The following ZMIZ1 variants were observed in gnomAD, a reference collection of about 807,000 sequenced individuals.
ZMIZ1 encodes the protein zinc finger MIZ domain-containing protein 1.
A neutral mutation model predicts 113.9 loss-of-function variants in ZMIZ1; 17 were observed. The observed-to-expected ratio is 0.15, with a 90% CI of 0.10 to 0.22. The LOEUF is 0.22. ZMIZ1 is among the 10% of genes least tolerant of loss of function. The pLI is 1.00. For synonymous variants in ZMIZ1, 607 were observed against 603.1 expected, an observed-to-expected ratio of 1.01 and a Z score of -0.09; for missense variants, 1,059 against 1,477.8, an observed-to-expected ratio of 0.72 and a Z score of 4.65.
chr10:79,189,435 G>C (rs1443291807), intron 4 of ZMIZ1, among the ~76,000 whole-genome samples: 1 of 152,220 alleles, frequency 6.6e-6, no homozygotes, highest in Non-Finnish European at 1.5e-5. Context: ...CACCTGCTCA[G>C]GGCGAGGCTA....
rs1201550482 is a variant in ZMIZ1 at position 79,196,503 on chromosome 10, A to G, written c.-49-5081A>G. ...CCTGAAAGCACCTTCGGCCCTTAAT[A>G]TTCCAGGAATCTTTCTGTCCAGAAG... On this transcript the variant is annotated intron_variant, in intron 4 of 24. Transcript: ENST00000334512. 3.9e-5 allele frequency among the ~76,000 whole-genome samples: 6 copies of G among 152,278 alleles called. No homozygotes were observed. The South Asian group carries it at 1.0e-3, about 26-fold the overall frequency.
Position 79,304,183 on chromosome 10 carries a change from G to A in ZMIZ1, c.2286+8G>A, listed in dbSNP as rs201178430. ...GATTGCAAGCATGTGCAGGTGAGCG[G>A]CCCCAGAAAGCACAGCTCTGGCAAG... On this transcript the variant is annotated splice_region_variant and intron_variant, in intron 19 of 24. Coordinates refer to ENST00000334512, the MANE Select transcript of ZMIZ1 (RefSeq NM_020338.4). 2.8e-5 allele frequency: 45 copies of A among 1,610,110 alleles called. No individual in the cohort carries two copies. Among genetic ancestry groups the A allele is most frequent in the Non-Finnish European group, 3.6e-5 (42 of 1,177,148 alleles).
chr10:79,242,091 G>C (rs889290055), intron 7 of ZMIZ1, among the ~76,000 whole-genome samples: 8 of 152,088 alleles, frequency 5.3e-5, no homozygotes, highest in African/African-American at 1.9e-4. Context: ...ATGACAGGGA[G>C]TGCCCACGAA....
chr10:79,257,541 G>A (rs930756352), intron 7 of ZMIZ1, among the ~76,000 whole-genome samples: 2 of 152,262 alleles, frequency 1.3e-5, no homozygotes, highest in African/African-American at 4.8e-5. Context: ...GCTTTGGGGT[G>A]ACCCTGTGCC....
At chr10:79,148,328 C>T (rs2132441342) in intron 3 of ZMIZ1, among the ~76,000 whole-genome samples, 1 of 152,326 alleles carries the variant, frequency 6.6e-6, no homozygotes, top group East Asian at 1.9e-4. Flanking sequence ...CAGGGCATGG[C>T]TGACCCCACA....
At chr10:79,096,814 A>G (rs1843184513) in intron 1 of ZMIZ1, among the ~76,000 whole-genome samples, 1 of 152,240 alleles carries the variant, frequency 6.6e-6, no homozygotes, top group Non-Finnish European at 1.5e-5. Context: ...AAACAAGACA[A>G]TCACAATCAA....
intron 10 of ZMIZ1, 97 bp from the exon 11 acceptor site, chr10:79,292,061 G>A (rs1306915307): frequency 2.4e-6 from 3 of 1,241,130 alleles, no homozygotes; most frequent in Non-Finnish European, 3.4e-6. Context: ...CTAGGTTCTG[G>A]GTACAGCTCC....
intron 3 of ZMIZ1, among the ~76,000 whole-genome samples, chr10:79,153,986 C>T (rs1372962947): frequency 1.3e-5 from 2 of 152,220 alleles, no homozygotes; most frequent in Non-Finnish European, 2.9e-5. Flanking sequence ...ATCGAGAACA[C>T]TCAGTGCTCA....
At chr10:79,240,038 G>A (rs1849749915) in intron 7 of ZMIZ1, among the ~76,000 whole-genome samples, 1 of 152,198 alleles carries the variant, frequency 6.6e-6, no homozygotes, top group Non-Finnish European at 1.5e-5. Flanking sequence ...TGATTTATCG[G>A]CGGCTCCTCC....
At chr10:79,120,252 AGAT>A (rs1158341823) in intron 2 of ZMIZ1, among the ~76,000 whole-genome samples, 1 of 152,246 alleles carries the variant, frequency 6.6e-6, no homozygotes, top group African/African-American at 2.4e-5. Context: ...GAATGCACAC[AGAT>A]AACACTTGCG....
intron 2 of ZMIZ1, among the ~76,000 whole-genome samples, chr10:79,129,306 C>G (rs960434005): frequency 6.6e-6 from 1 of 152,158 alleles, no homozygotes; most frequent in Non-Finnish European, 1.5e-5. Context: ...TGCCTGGGAC[C>G]GTCCTGGTTT....
chr10:79,306,458 A>G lies in ZMIZ1; in HGVS notation c.2668+114A>G, dbSNP rs1854706136. 3 of 1,488,322 alleles carry G rather than the reference A, an allele frequency of 2.0e-6. No individual in the cohort carries two copies. The Admixed American group carries it at 6.1e-5, about 30-fold the overall frequency. The allele number at this position is 1,488,322 out of a possible 1,614,324, so 92.2% of individuals were successfully genotyped here. On this transcript the variant is annotated intron_variant, in intron 22 of 24. Transcript: ENST00000334512. ...GGGTCGGGGGTGTGGTTGAAGAGAG[A>G]GAAGTAACACATCCCCCAAAAAACA...
chr10:79,190,713 A>C (rs1028447803), intron 4 of ZMIZ1, among the ~76,000 whole-genome samples: 2 of 152,184 alleles, frequency 1.3e-5, no homozygotes, highest in Non-Finnish European at 2.9e-5. Flanking sequence ...TCAGAGCCTC[A>C]ACTTTCTCAT....
At chr10:79,257,646 T>C (rs78391520) in intron 7 of ZMIZ1, among the ~76,000 whole-genome samples, 65 of 152,304 alleles carry the variant, frequency 4.3e-4, no homozygotes, top group African/African-American at 1.4e-3. Context: ...AAGCTGCTGG[T>C]CTTTGCCTGC....
rs1268785172 is a variant in ZMIZ1, at chr10:79,146,968, GTGTGTA to G, written c.-131+7193_-131+7198del. On this transcript the variant is annotated intron_variant, in intron 3 of 24. Transcript: ENST00000334512. ...TACGTGTGTGTGTGTGTGTGTGTGT[GTGTGTA>G]TATCCCTGTCCCTGGCCAAGGAAAC... Among the ~76,000 whole-genome samples the G allele has an allele frequency of 3.7e-4, 50 of 134,214 alleles. No individual in the cohort carries two copies. The East Asian group carries it at 6.3e-3, about 17-fold the overall frequency. The allele number at this position is 134,214 out of a possible 152,430, so 88.0% of individuals were successfully genotyped here.
chr10:79,269,456 A>AACACACACACACAC lies in ZMIZ1; in HGVS notation c.281-7704_281-7691dup, dbSNP rs55634343. Among the ~76,000 whole-genome samples, 1,251 of 138,536 alleles carry AACACACACACACAC rather than the reference A, an allele frequency of 9.0e-3. 17 individuals are homozygous for AACACACACACACAC. The highest frequency in any genetic ancestry group is 0.022 in the East Asian group (100 of 4,510). The allele number at this position is 138,536 out of a possible 152,430, so 90.9% of individuals were successfully genotyped here. On this transcript the variant is annotated intron_variant, in intron 7 of 24. Transcript: ENST00000334512. ...AGCACCCCTCCCAACACCTCCCCCC[A>AACACACACACACAC]ACACACACACACACACACACACACA...
intron 4 of ZMIZ1, among the ~76,000 whole-genome samples, chr10:79,163,751 C>T (rs1276488119): frequency 6.6e-6 from 1 of 152,240 alleles, no homozygotes; most frequent in African/African-American, 2.4e-5. Flanking sequence ...TTCTGCCCTG[C>T]AGCCTTTGCC....
chr10:79,305,124 A>G (rs752125785), intron 19 of ZMIZ1, 40 bp from the exon 20 acceptor site: 2 of 1,612,714 alleles, frequency 1.2e-6, no homozygotes, highest in Non-Finnish European at 1.7e-6. Context: ...GCAGTTTCTG[A>G]CAGTCCTGGT....
chr10:79,314,137 C>T lies in ZMIZ1; in HGVS notation c.*1388C>T. ...TCACTCAAGCAAAAGCAGCCTCTGG[C>T]CTTCCCTCCACCGCTTTGCTCCATC... On this transcript the variant is annotated 3_prime_UTR_variant, in exon 25 of 25. Coordinates refer to ENST00000334512, the MANE Select transcript of ZMIZ1 (RefSeq NM_020338.4). 2.2e-6 allele frequency: 1 copy of T among 457,024 alleles called. No homozygotes were observed. The highest frequency in any genetic ancestry group is 4.4e-6 in the Non-Finnish European group (1 of 226,996). The allele number at this position is 457,024 out of a possible 1,614,324, so 28.3% of individuals were successfully genotyped here. A position where few individuals can be genotyped will look rare whatever the true frequency, so the allele number is the denominator to read the frequency against.
Sources: gnomAD v4.1 joint callset for allele counts (sites outside exome capture counted in the v4.1 genomes callset) on GRCh38, gnomAD v4.1.1 for gene constraint, MANE v1.5 for transcripts, NCBI Gene and HGNC (gene_info 2026-07-23, HGNC 2026-07-21) for gene names.